Variants in SRD5A1 observed in about 807,000 individuals in gnomAD.
The protein encoded by SRD5A1 is 3-oxo-5-alpha-steroid 4-dehydrogenase 1.
In SRD5A1, 22 loss-of-function variants were observed where a neutral mutation model predicts 28.2. The ratio of observed to expected loss-of-function variants is 0.78; its 90% CI spans 0.56 to 1.12. The LOEUF (loss-of-function observed/expected upper bound fraction) is 1.12. Ranked by LOEUF, SRD5A1 falls within the 50% of genes most tolerant of loss-of-function variation. SRD5A1 has a pLI of 0.00. For missense variants in SRD5A1, 300 were observed against 346.7 expected (o/e 0.87, Z 1.07); for synonymous variants, 151 against 135.0 (o/e 1.12, Z -0.82).
chr5:6,638,412 A>G (rs562461), intron 1 of SRD5A1, among the ~76,000 whole-genome samples: 26,499 of 152,260 alleles, frequency 0.17, 2,565 homozygotes, highest in East Asian at 0.23. Context: ...TGGGAAAGCC[A>G]TTTTGTAAGA....
intron 1 of SRD5A1, among the ~76,000 whole-genome samples, chr5:6,651,343 C>T (rs567716632): frequency 2.6e-5 from 4 of 152,212 alleles, no homozygotes; most frequent in South Asian, 2.1e-4. Flanking sequence ...ATGATTGAAA[C>T]GTGGTAATGC....
chr5:6,658,406 G>A (rs1021359450), intron 3 of SRD5A1, among the ~76,000 whole-genome samples: 4 of 152,198 alleles, frequency 2.6e-5, no homozygotes, highest in South Asian at 2.1e-4. Context: ...CGACGAACCC[G>A]CAATCTACAA....
At position 6,633,624 on chromosome 5, in the gene SRD5A1, C is replaced by T; in HGVS notation, c.48C>T (p.Leu16=). The part of the protein sequence containing the change: ...GVAEERLLAA[L]AYLQCAVGCA... ...CGGAGGAGCGCCTGCTGGCCGCGCT[C>T]GCCTACCTGCAGTGCGCCGTGGGCT... The change falls in exon 1 of 5, where the codon CTC becomes CTT. Residue 16 remains leucine, a synonymous_variant. Transcript: ENST00000274192. The T allele has an allele frequency of 2.0e-6, 3 of 1,537,248 alleles. No individual in the cohort carries two copies. Among genetic ancestry groups the T allele is most frequent in the South Asian group, 1.2e-5 (1 of 84,398 alleles).
intron 3 of SRD5A1, among the ~76,000 whole-genome samples, chr5:6,656,522 G>A (rs776181290): frequency 6.6e-6 from 1 of 152,164 alleles, no homozygotes; most frequent in African/African-American, 2.4e-5. Context: ...TCTGAAAACA[G>A]TTTAAAACAT....
intron 2 of SRD5A1, among the ~76,000 whole-genome samples, chr5:6,654,713 G>A (rs1352697980): frequency 6.6e-6 from 1 of 152,244 alleles, no homozygotes; most frequent in African/African-American, 2.4e-5. Context: ...GATTATAGGT[G>A]TGAGCCACTA....
intron 1 of SRD5A1, among the ~76,000 whole-genome samples, chr5:6,639,714 C>T (rs577949070): frequency 4.2e-4 from 64 of 152,236 alleles, no homozygotes; most frequent in Admixed American, 1.4e-3. Context: ...TGAATTTCTC[C>T]GTGTCTCTCA....
chr5:6,651,983 G>A lies in SRD5A1; in HGVS notation c.435G>A (p.Trp145Ter). The part of the protein sequence containing the change: ...LSHCAVYADD[W>*]VTDPRFLIGF... ...ATTGTGCAGTGTATGCTGATGACTG[G>A]GTAACAGATCCCCGTTTTCTAATAG... The change falls in exon 2 of 5, where the codon TGG (tryptophan) becomes TGA (stop). Residue 145 changes from tryptophan (W) to a stop codon, truncating the protein, a stop_gained. Coordinates refer to ENST00000274192, the MANE Select transcript of SRD5A1 (RefSeq NM_001047.4). LOFTEE classifies it high-confidence loss of function. 1 of 1,613,444 alleles carries A rather than the reference G, an allele frequency of 6.2e-7. No homozygotes were observed. Among genetic ancestry groups the A allele is most frequent in the Non-Finnish European group, 8.5e-7 (1 of 1,179,592 alleles).
At chr5:6,642,278 A>G (rs1279415526) in intron 1 of SRD5A1, among the ~76,000 whole-genome samples, 5 of 152,206 alleles carry the variant, frequency 3.3e-5, no homozygotes, top group African/African-American at 1.2e-4. Context: ...CGTTGACATC[A>G]GTCCACATGT....
intron 4 of SRD5A1, among the ~76,000 whole-genome samples, chr5:6,663,223 G>A (rs562775954): frequency 6.6e-6 from 1 of 152,320 alleles, no homozygotes; most frequent in African/African-American, 2.4e-5. Context: ...CAGTGGTCAA[G>A]TTAGACACCA....
chr5:6,635,639 A>G (rs1466497445), intron 1 of SRD5A1, among the ~76,000 whole-genome samples: 1 of 152,250 alleles, frequency 6.6e-6, no homozygotes, highest in African/African-American at 2.4e-5. Context: ...TGCTCAGTAC[A>G]CAATACCTAG....
In SRD5A1 at chr5:6,672,714, T is replaced by C. The variant is rs1739397969; in HGVS notation, c.*4446T>C. On this transcript the variant is annotated 3_prime_UTR_variant, in exon 5 of 5. Transcript: ENST00000274192. ...TTTGCACCTCTTGCTGTGATTGACA[T>C]GGTATACCTTAAGATATATGTTAAT... is the stretch of plus-strand genomic sequence containing the variant. 1 of 152,246 alleles carries C rather than the reference T, an allele frequency of 6.6e-6. No homozygotes were observed. The allele number at this position is 152,246 out of a possible 1,614,324, so 9.4% of individuals were successfully genotyped here.
At position 6,655,021 on chromosome 5, in the gene SRD5A1, G is replaced by GA. The variant is rs397968251; in HGVS notation, c.461-1048dup. 6.6e-3 allele frequency among the ~76,000 whole-genome samples: 990 copies of GA among 150,522 alleles called. 8 individuals carry two copies. The highest frequency in any genetic ancestry group is 0.023 in the African/African-American group (951 of 41,064). On this transcript the variant is annotated intron_variant, in intron 2 of 4. Transcript: ENST00000274192. Reference sequence around the variant, plus strand: ...ACTTGGTATGAACTGCTTTGCTTAGGAAAAAAAAATAAAAGCTGATTACAG... The same window carrying GA: ...ACTTGGTATGAACTGCTTTGCTTAGGAAAAAAAAAATAAAAGCTGATTACAG...
chr5:6,650,786 TCC>T (rs1352869679), intron 1 of SRD5A1, among the ~76,000 whole-genome samples: 6 of 110,552 alleles, frequency 5.4e-5, no homozygotes, highest in African/African-American at 2.1e-4. Context: ...ATGCTATCCC[TCC>T]CCCCTCCCCC....
At chr5:6,667,681 T>C (rs1183265756) in intron 4 of SRD5A1, among the ~76,000 whole-genome samples, 1 of 152,224 alleles carries the variant, frequency 6.6e-6, no homozygotes, top group Non-Finnish European at 1.5e-5. Context: ...GGCTGAATGG[T>C]GGACAATGCC....
rs1218202424 is a variant in SRD5A1, at chr5:6,658,465, C to T, written c.562+2286C>T. 2.6e-5 allele frequency among the ~76,000 whole-genome samples: 4 copies of T among 152,360 alleles called. No individual in the cohort carries two copies. In the East Asian group the frequency reaches 7.7e-4, roughly 29 times the overall value. ...GGAGACCTCTCCCTGTGATGTTTCC[C>T]CACAGCATGTAGCCGCCTTCCTGAA... is the stretch of plus-strand genomic sequence containing the variant. On this transcript the variant is annotated intron_variant, in intron 3 of 4. Coordinates refer to ENST00000274192, the MANE Select transcript of SRD5A1 (RefSeq NM_001047.4).
At chr5:6,651,422 A>G (rs892698745) in intron 1 of SRD5A1, among the ~76,000 whole-genome samples, 1 of 152,168 alleles carries the variant, frequency 6.6e-6, no homozygotes, top group Non-Finnish European at 1.5e-5. Flanking sequence ...TTTTGGGACA[A>G]CAAGGCAGGA....
chr5:6,660,918 A>C (rs938759360), intron 3 of SRD5A1, among the ~76,000 whole-genome samples: 1 of 152,134 alleles, frequency 6.6e-6, no homozygotes, highest in Non-Finnish European at 1.5e-5. Context: ...CAGGAGAGAG[A>C]GCGAGTGAAG....
rs1739414199 is a variant in SRD5A1, at chr5:6,673,283, A to G, written c.*5015A>G. The stretch of plus-strand genomic sequence containing the variant: ...TTTGCTTTGAATCAGAAATAGCTCC[A>G]TCAGGCCCATGAAGGAAAGGGAAAC... On this transcript the variant is annotated 3_prime_UTR_variant, in exon 5 of 5. Transcript: ENST00000274192. The G allele has an allele frequency of 6.6e-6, 1 of 152,232 alleles. No homozygotes were observed. The highest frequency in any genetic ancestry group is 2.4e-5 in the African/African-American group (1 of 41,462). The allele number at this position is 152,232 out of a possible 1,614,324, so 9.4% of individuals were successfully genotyped here.
rs978796835 is a variant in SRD5A1 at position 6,673,108 on chromosome 5, C to T, written c.*4840C>T. 4 of 152,208 alleles carry T rather than the reference C, an allele frequency of 2.6e-5. No individual in the cohort carries two copies. In the East Asian group the frequency reaches 7.7e-4, roughly 29 times the overall value. The allele number at this position is 152,208 out of a possible 1,614,324, so 9.4% of individuals were successfully genotyped here. On this transcript the variant is annotated 3_prime_UTR_variant, in exon 5 of 5. Coordinates refer to ENST00000274192, the MANE Select transcript of SRD5A1 (RefSeq NM_001047.4). The stretch of plus-strand genomic sequence containing the variant: ...AATTATTTCCTATTGTTTTTAGCAC[C>T]GATTGTTCTGTCTAATTTGAAAGGA...
Sources: gnomAD v4.1 joint callset for allele counts (sites outside exome capture counted in the v4.1 genomes callset) on GRCh38, gnomAD v4.1.1 for gene constraint, MANE v1.5 for transcripts, NCBI Gene and HGNC (gene_info 2026-07-23, HGNC 2026-07-21) for gene names.